CCDC102B: variants seen among roughly 807,000 people sequenced by gnomAD.
CCDC102B encodes the protein coiled-coil domain-containing protein 102B.
In CCDC102B, 75 loss-of-function variants were observed where a neutral mutation model predicts 57.4. The observed-to-expected ratio is 1.31, with a 90% CI of 1.08 to 1.58. CCDC102B has a LOEUF of 1.58. Among genes scored for constraint, CCDC102B ranks in the 40% most tolerant of loss-of-function variants. The pLI, the probability that CCDC102B is intolerant of heterozygous loss-of-function variation, is 0.00. For missense variants in CCDC102B, 636 were observed against 582.6 expected (o/e 1.09, Z -0.94); for synonymous variants, 206 against 201.9 (o/e 1.02, Z -0.17).
chr18:69,020,198 G>A (rs187695867), intron 7 of CCDC102B, among the ~76,000 whole-genome samples: 19 of 152,154 alleles, frequency 1.2e-4, no homozygotes, highest in Non-Finnish European at 2.2e-4. Context: ...GTTGCTAGAT[G>A]CTTATTATTC....
chr18:68,988,593 T>A (rs2195739), intron 6 of CCDC102B, among the ~76,000 whole-genome samples: 12,831 of 150,950 alleles, frequency 0.085, 1,098 homozygotes, highest in African/African-American at 0.21. Flanking sequence ...AAAGAATTAC[T>A]CTGGGTCAGC....
At chr18:68,903,334 G>C (rs981219110) in intron 6 of CCDC102B, among the ~76,000 whole-genome samples, 3 of 152,156 alleles carry the variant, frequency 2.0e-5, no homozygotes, top group African/African-American at 7.2e-5. Context: ...GCAGAGAAAA[G>C]ATGTAAGACA....
At chr18:68,988,625 A>G (rs2050786674) in intron 6 of CCDC102B, among the ~76,000 whole-genome samples, 1 of 152,202 alleles carries the variant, frequency 6.6e-6, no homozygotes, top group African/African-American at 2.4e-5. Flanking sequence ...CGGAAATATA[A>G]TACCTGAAAA....
intron 2 of CCDC102B, among the ~76,000 whole-genome samples, chr18:68,735,415 C>T (rs2033082199): frequency 6.6e-6 from 1 of 152,138 alleles, no homozygotes; most frequent in African/African-American, 2.4e-5. Context: ...ATCCAACATT[C>T]TTTTCCTTAA....
intron 6 of CCDC102B, among the ~76,000 whole-genome samples, chr18:68,901,348 G>A (rs973646003): frequency 2.0e-5 from 3 of 152,042 alleles, no homozygotes; most frequent in African/African-American, 7.2e-5. Context: ...AAAATTATAA[G>A]CCTTTGAAAC....
At chr18:68,826,821 G>C (rs928872764) in intron 1 of CCDC102B, among the ~76,000 whole-genome samples, 2 of 152,132 alleles carry the variant, frequency 1.3e-5, no homozygotes, top group Admixed American at 6.6e-5. Flanking sequence ...ATTAGCACCT[G>C]ATTGATCACA....
At chr18:68,980,270 A>T (rs1266442000) in intron 6 of CCDC102B, among the ~76,000 whole-genome samples, 1 of 146,342 alleles carries the variant, frequency 6.8e-6, no homozygotes. Flanking sequence ...TTTTTTTTTT[A>T]AACATACCTG....
At chr18:68,928,733 C>T (rs936266501) in intron 6 of CCDC102B, among the ~76,000 whole-genome samples, 3 of 151,766 alleles carry the variant, frequency 2.0e-5, no homozygotes, top group South Asian at 2.1e-4. Flanking sequence ...ATAATCGTTA[C>T]GTTAGGTAGT....
At chr18:69,019,043 A>G (rs949670283) in intron 7 of CCDC102B, among the ~76,000 whole-genome samples, 1 of 152,074 alleles carries the variant, frequency 6.6e-6, no homozygotes, top group Admixed American at 6.5e-5. Context: ...TTAGATGACC[A>G]TATATTGATG....
intron 3 of CCDC102B, among the ~76,000 whole-genome samples, chr18:68,843,046 T>A (rs535216133): frequency 7.7e-4 from 117 of 152,282 alleles, no homozygotes; most frequent in Non-Finnish European, 1.4e-3. Flanking sequence ...AGCTTAACAA[T>A]ATTCTTTAAA....
exon 1 of CCDC102B, chr18:68,715,238 GC>G (rs199817898): frequency 5.2e-6 from 7 of 1,345,912 alleles, no homozygotes; most frequent in South Asian, 1.7e-5. Context: ...CGCTCTCGGT[GC>G]CCCCCTCCAC....
intron 1 of CCDC102B, among the ~76,000 whole-genome samples, chr18:68,810,981 G>C (rs1279266688): frequency 2.0e-5 from 3 of 152,194 alleles, no homozygotes; most frequent in African/African-American, 7.2e-5. Flanking sequence ...AGTTTGCTGA[G>C]AATGATGGTT....
At chr18:69,040,222 T>C (rs748298326) in intron 7 of CCDC102B, among the ~76,000 whole-genome samples, 9 of 152,054 alleles carry the variant, frequency 5.9e-5, no homozygotes, top group Admixed American at 2.0e-4. Context: ...GTGTGCCTGG[T>C]GGCATTATCC....
chr18:69,022,226 AC>A (rs1423015455), intron 7 of CCDC102B, among the ~76,000 whole-genome samples: 13 of 118,712 alleles, frequency 1.1e-4, no homozygotes, highest in Middle Eastern at 4.3e-3. Context: ...TATATATAAC[AC>A]ACACACACGC....
chr18:68,906,908 CT>C (rs2040670489), intron 6 of CCDC102B, among the ~76,000 whole-genome samples: 1 of 128,572 alleles, frequency 7.8e-6, no homozygotes. Flanking sequence ...AGATTCTCCC[CT>C]ATGTTTATTT....
intron 5 of CCDC102B, among the ~76,000 whole-genome samples, chr18:68,878,273 GT>G (rs1256505189): frequency 4.1e-4 from 63 of 152,112 alleles, no homozygotes; most frequent in African/African-American, 1.5e-3. Flanking sequence ...ACTTTTGCAT[GT>G]TTTTGTAGAG....
At chr18:68,787,166 A>C (rs865934302) in intron 2 of CCDC102B, among the ~76,000 whole-genome samples, 6,279 of 144,648 alleles carry the variant, frequency 0.043, 216 homozygotes, top group African/African-American at 0.11. Flanking sequence ...CCTTGCATCC[A>C]AGGGATGAAG....
intron 6 of CCDC102B, among the ~76,000 whole-genome samples, chr18:69,009,924 A>ATTTTTTTGTTTTTTTTTTTT (rs2051458058): frequency 3.0e-5 from 1 of 33,514 alleles, no homozygotes; most frequent in Non-Finnish European, 5.8e-5. Context: ...TTTAATAAAG[A>ATTTTTTTGTTTTTTTTTTTT]TTTTTTTTTT....
At chr18:68,911,964 A>T (rs1395790559) in intron 6 of CCDC102B, among the ~76,000 whole-genome samples, 8 of 152,178 alleles carry the variant, frequency 5.3e-5, no homozygotes, top group African/African-American at 1.4e-4. Context: ...GAATTTAACC[A>T]ATCCCATTTT....
Sources: allele counts gnomAD v4.1 joint callset (sites outside exome capture counted in the v4.1 genomes callset), GRCh38; gene constraint gnomAD v4.1.1; transcripts MANE v1.5; gene names NCBI Gene and HGNC (gene_info 2026-07-23, HGNC 2026-07-21).